Variants in WDPCP observed in about 807,000 individuals in gnomAD.
The protein encoded by WDPCP is WD repeat containing planar cell polarity effector, also known as WD repeat-containing and planar cell polarity effector protein fritz homolog.
Under a neutral mutation model 93.1 loss-of-function variants are expected in WDPCP, and 71 were observed. The observed-to-expected ratio is 0.76, with a 90% CI of 0.63 to 0.93. The LOEUF is 0.93. WDPCP is among the 40% of genes least tolerant of loss of function. The pLI is 0.00. For synonymous variants in WDPCP, 315 were observed against 315.0 expected (o/e 1.00, Z 0.00); for missense variants, 844 against 887.4 (o/e 0.95, Z 0.62).
At chr2:63,141,773 G>C (rs1186353250) in intron 17 of WDPCP, among the ~76,000 whole-genome samples, 2 of 151,858 alleles carry the variant, frequency 1.3e-5, no homozygotes, top group African/African-American at 4.8e-5. Flanking sequence ...TTTTTTTGTT[G>C]TTGTTGGTAA....
chr2:63,602,335 T>G (rs927703148), intron 3 of WDPCP, among the ~76,000 whole-genome samples: 1 of 145,022 alleles, frequency 6.9e-6, no homozygotes. Flanking sequence ...CCTTTTCGGT[T>G]GGTTGGTTGG....
At chr2:63,800,091 A>G (rs1670673185) in intron 2 of WDPCP, among the ~76,000 whole-genome samples, 1 of 152,176 alleles carries the variant, frequency 6.6e-6, no homozygotes, top group Admixed American at 6.5e-5. Context: ...TGAAATCTCA[A>G]CATCTAAGAG....
At chr2:63,336,467 A>G (rs1165391272) in intron 12 of WDPCP, among the ~76,000 whole-genome samples, 1 of 152,220 alleles carries the variant, frequency 6.6e-6, no homozygotes, top group East Asian at 1.9e-4. Flanking sequence ...GCCATTGAAT[A>G]TAAGGTTAGC....
At chr2:63,602,934 CTTTTTTTTT>C (rs370479356) in intron 3 of WDPCP, among the ~76,000 whole-genome samples, 2 of 131,610 alleles carry the variant, frequency 1.5e-5, no homozygotes, top group Admixed American at 7.7e-5. Flanking sequence ...TTTAACCGTT[CTTTTTTTTT>C]TTTTTTTTTT....
chr2:63,588,367 C>T lies in WDPCP; in HGVS notation c.-96G>A, dbSNP rs1282451086. Reference sequence around the variant, plus strand: ...CTTGGTCTCTTGGGTCTCCAGGACGCCGCCGCCGCCGCCACAGTTTCCTCA... The same window carrying T: ...CTTGGTCTCTTGGGTCTCCAGGACGTCGCCGCCGCCGCCACAGTTTCCTCA... On this transcript the variant is annotated 5_prime_UTR_variant, in exon 1 of 18. Transcript: ENST00000272321. 3 of 1,340,410 alleles carry T rather than the reference C, an allele frequency of 2.2e-6. No homozygotes were observed. The highest frequency in any genetic ancestry group is 2.9e-5 in the African/African-American group (2 of 68,880). 83.0% of individuals were successfully genotyped at this position (1,340,410 alleles called of 1,614,324 possible).
chr2:63,219,672 T>G (rs762234082), intron 14 of WDPCP, among the ~76,000 whole-genome samples: 1 of 152,242 alleles, frequency 6.6e-6, no homozygotes, highest in Non-Finnish European at 1.5e-5. Flanking sequence ...AATTAAAATA[T>G]GTATCATTTT....
intron 12 of WDPCP, among the ~76,000 whole-genome samples, chr2:63,338,563 AAAAAAAATATATATATATATATAT>A (rs377028411): frequency 0.26 from 22,596 of 86,426 alleles, 3,961 homozygotes; most frequent in East Asian, 0.42. Flanking sequence ...AAAAAAAAAA[AAAAAAAATATATATATATATATAT>A]ATATATATAT....
chr2:63,424,138 A>C (rs1174171507), intron 9 of WDPCP, among the ~76,000 whole-genome samples: 3 of 151,938 alleles, frequency 2.0e-5, no homozygotes, highest in African/African-American at 4.8e-5. Context: ...TTCTAGCTAC[A>C]AGAGATCCCA....
chr2:63,821,590 GT>G (rs1049966948), intron 1 of WDPCP, among the ~76,000 whole-genome samples: 11 of 152,084 alleles, frequency 7.2e-5, no homozygotes, highest in African/African-American at 2.7e-4. Context: ...TCAGATTTGT[GT>G]TTTGACAACA....
intron 1 of WDPCP, among the ~76,000 whole-genome samples, chr2:63,500,445 TGGTGTGGG>T (rs1190939009): frequency 2.3e-4 from 16 of 70,904 alleles, no homozygotes; most frequent in African/African-American, 1.1e-3. Context: ...AAAGAGAAAA[TGGTGTGGG>T]GGTGTGTGTG....
chr2:63,634,670 G>T (rs748289567), intron 3 of WDPCP, among the ~76,000 whole-genome samples: 1 of 151,984 alleles, frequency 6.6e-6, no homozygotes, highest in Non-Finnish European at 1.5e-5. Flanking sequence ...TTACAAATAT[G>T]TTAAAATTAA....
chr2:63,245,883 G>C (rs557372103), intron 14 of WDPCP, among the ~76,000 whole-genome samples: 1 of 152,206 alleles, frequency 6.6e-6, no homozygotes, highest in African/African-American at 2.4e-5. Flanking sequence ...CATCACCTTA[G>C]CACTTACTAT....
At chr2:63,641,492 G>A (rs1177567085) in intron 3 of WDPCP, among the ~76,000 whole-genome samples, 1 of 151,956 alleles carries the variant, frequency 6.6e-6, no homozygotes, top group Non-Finnish European at 1.5e-5. Context: ...TTTTAACTGG[G>A]GTGAGATGAT....
chr2:63,324,516 G>A (rs1221923943), intron 12 of WDPCP, among the ~76,000 whole-genome samples: 2 of 152,202 alleles, frequency 1.3e-5, no homozygotes, highest in Non-Finnish European at 2.9e-5. Flanking sequence ...ACCTGGGAAA[G>A]TTTTCAGATG....
intron 14 of WDPCP, among the ~76,000 whole-genome samples, chr2:63,185,803 G>C (rs954874633): frequency 2.9e-4 from 44 of 152,140 alleles, no homozygotes; most frequent in Non-Finnish European, 5.0e-4. Context: ...CCAGGCAATG[G>C]GCTGGATTAT....
chr2:63,426,839 C>A (rs1393293684), intron 9 of WDPCP, among the ~76,000 whole-genome samples: 1 of 152,032 alleles, frequency 6.6e-6, no homozygotes, highest in African/African-American at 2.4e-5. Context: ...TAACAACACC[C>A]ACAAGCTCAA....
intron 6 of WDPCP, among the ~76,000 whole-genome samples, chr2:63,480,195 C>T (rs1278305906): frequency 1.3e-5 from 2 of 152,014 alleles, no homozygotes; most frequent in South Asian, 2.1e-4. Context: ...TGAGAGATCT[C>T]TACAAGGAAA....
At chr2:63,173,202 G>C (rs1189963539) in intron 15 of WDPCP, among the ~76,000 whole-genome samples, 1 of 151,754 alleles carries the variant, frequency 6.6e-6, no homozygotes, top group Non-Finnish European at 1.5e-5. Flanking sequence ...CAGGAGGTGG[G>C]GGTTGCAGTG....
At chr2:63,797,785 T>C (rs1670637968) in intron 2 of WDPCP, among the ~76,000 whole-genome samples, 1 of 151,932 alleles carries the variant, frequency 6.6e-6, no homozygotes, top group Non-Finnish European at 1.5e-5. Flanking sequence ...TAACAGAGAC[T>C]AACCCATACC....
Sources: gnomAD v4.1 joint callset for allele counts (sites outside exome capture counted in the v4.1 genomes callset) on GRCh38, gnomAD v4.1.1 for gene constraint, MANE v1.5 for transcripts, NCBI Gene and HGNC (gene_info 2026-07-23, HGNC 2026-07-21) for gene names.